TNPO2: variants seen among roughly 807,000 people sequenced by gnomAD.
TNPO2 encodes the protein transportin-2.
In TNPO2, 16 loss-of-function variants were observed where a neutral mutation model predicts 111.1. The observed-to-expected ratio is 0.14, with a 90% CI of 0.10 to 0.22. TNPO2 has a LOEUF of 0.22. Ranked by LOEUF, TNPO2 falls within the 10% of genes least tolerant of loss-of-function variation. The probability of loss-of-function intolerance (pLI) is 1.00; values close to 1 mark genes in which losing one functional copy is unlikely to be tolerated. For missense variants in TNPO2, 530 were observed against 1,173.7 expected (o/e 0.45, Z 8.01); for synonymous variants, 481 against 475.8 (o/e 1.01, Z -0.14).
intron 10 of TNPO2, among the ~76,000 whole-genome samples, chr19:12,711,930 G>GAGGCA (rs1555718902): frequency 6.6e-6 from 1 of 150,672 alleles, no homozygotes; most frequent in Non-Finnish European, 1.5e-5. Context: ...CCCAGGCACC[G>GAGGCA]AGGCAAGAGA....
chr19:12,715,330 G>A lies in TNPO2; in HGVS notation c.567-6C>T, dbSNP rs1047746985. On this transcript the variant is annotated splice_region_variant and splice_polypyrimidine_tract_variant and intron_variant, in intron 7 of 25. Coordinates refer to ENST00000425528, the MANE Select transcript of TNPO2 (RefSeq NM_001382241.1). The surrounding 1 kb of genome is among the most constrained non-coding windows in gnomAD (Gnocchi z 7.1). ...CGCAGGCGATGGCGTGGGACCTGGC[G>A]GGGAGCAGACACGTGGGTCACCCTG... The A allele has an allele frequency of 3.5e-5, 57 of 1,613,768 alleles. No homozygotes were observed. The highest frequency in any genetic ancestry group is 4.5e-5 in the Non-Finnish European group (53 of 1,179,832).
chr19:12,703,148 GACA>G, intron 20 of TNPO2: 3 of 585,786 alleles, frequency 5.1e-6, no homozygotes, highest in Non-Finnish European at 9.1e-6. Flanking sequence ...TCGCTAAGGT[GACA>G]ACACGCTGCC....
Position 12,706,884 on chromosome 19 carries a change from A to G in TNPO2, c.1271-89T>C. The stretch of plus-strand genomic sequence containing the variant: ...GAGAAGAGTCAGCCGCACACAACAT[A>G]TAGGGAAACTGAGGCTTAGAGTTTA... On this transcript the variant is annotated intron_variant, in intron 13 of 25. Transcript: ENST00000425528. This position sits in a 1 kb window ranked among gnomAD's most constrained non-coding sequence, Gnocchi z 7.0. 3.7e-6 allele frequency: 4 copies of G among 1,090,942 alleles called. No homozygotes were observed. Among genetic ancestry groups the G allele is most frequent in the Admixed American group, 2.1e-5 (1 of 47,942 alleles). 67.6% of individuals were successfully genotyped at this position (1,090,942 alleles called of 1,614,324 possible).
chr19:12,702,810 G>A lies in TNPO2; in HGVS notation c.2305+13C>T, dbSNP rs1478187738. On this transcript the variant is annotated intron_variant, in intron 21 of 25. Transcript: ENST00000425528. This position sits in a 1 kb window ranked among gnomAD's most constrained non-coding sequence, Gnocchi z 5.5. Reference sequence around the variant, plus strand: ...AGGCAGGGGTGCAGGCAGCAGCCGGGCCAGGTGCCCACCTGTGTTTTCCAG... The same window carrying A: ...AGGCAGGGGTGCAGGCAGCAGCCGGACCAGGTGCCCACCTGTGTTTTCCAG... 4 of 1,612,458 alleles carry A rather than the reference G, an allele frequency of 2.5e-6. No individual in the cohort carries two copies. Among genetic ancestry groups the A allele is most frequent in the Non-Finnish European group, 3.4e-6 (4 of 1,178,578 alleles).
At chr19:12,704,969 C>A (rs2025551683) in intron 18 of TNPO2, among the ~76,000 whole-genome samples, 1 of 151,966 alleles carries the variant, frequency 6.6e-6, no homozygotes, top group Non-Finnish European at 1.5e-5. Flanking sequence ...GGCGTGAGCA[C>A]CTGGCCTCAC....
chr19:12,702,972 A>AGGG lies in TNPO2; in HGVS notation c.2210-57_2210-55dup. The AGGG allele has an allele frequency of 1.3e-6, 2 of 1,529,160 alleles. No individual in the cohort carries two copies. Among genetic ancestry groups the AGGG allele is most frequent in the East Asian group, 2.3e-5 (1 of 44,332 alleles). The allele number at this position is 1,529,160 out of a possible 1,614,324, so 94.7% of individuals were successfully genotyped here. On this transcript the variant is annotated intron_variant, in intron 20 of 25. Transcript: ENST00000425528. This position sits in a 1 kb window ranked among gnomAD's most constrained non-coding sequence, Gnocchi z 5.5. The stretch of plus-strand genomic sequence containing the variant: ...ACAGCCCCCGCCACCCACAGGGGCC[A>AGGG]GGGGGCCGCCCCACCTCACTCACTA...
Position 12,702,089 on chromosome 19 carries a change from C to T in TNPO2, c.2394G>A (p.Gln798=), listed in dbSNP as rs759927883. ...VCPQEVAPML[Q]QFIRPWCTSL... ...ACACACACCAAGGCCGGATGAACTG[C>T]TGCAGCATGGGTGCCACCTCCTGGG... The change falls in exon 22 of 26, where the codon CAG becomes CAA. Residue 798 remains glutamine (Q), a synonymous_variant. Coordinates refer to ENST00000425528, the MANE Select transcript of TNPO2 (RefSeq NM_001382241.1). The surrounding 1 kb of genome is among the most constrained non-coding windows in gnomAD (Gnocchi z 5.5). 3 of 1,613,576 alleles carry T rather than the reference C, an allele frequency of 1.9e-6. No homozygotes were observed. In the South Asian group the frequency reaches 3.3e-5, roughly 18 times the overall value.
Position 12,714,821 on chromosome 19 carries a change from T to C in TNPO2, c.890A>G (p.Gln297Arg). 1 of 1,613,462 alleles carries C rather than the reference T, an allele frequency of 6.2e-7. No homozygotes were observed. Among genetic ancestry groups the C allele is most frequent in the Non-Finnish European group, 8.5e-7 (1 of 1,179,476 alleles). Reference sequence around the variant, plus strand: ...GACAGTGGGCAGCAGCAGCACTCACTGGACCAGATGGGAGGCCAGGACTTC... The same window carrying C: ...GACAGTGGGCAGCAGCAGCACTCACCGGACCAGATGGGAGGCCAGGACTTC... ...CKEVLASHLV[Q>R]LIPILVNGMK... Residue 297 changes from glutamine (Q) to arginine (R), a missense_variant and splice_region_variant, in exon 10 of 26, where the codon CAG becomes CGG. By Grantham distance (43) the Gln-to-Arg change is conservative. This residue lies in a region of TNPO2 where 156 missense variants were observed against 405.8 expected (regional missense o/e 0.38). Coordinates refer to ENST00000425528, the MANE Select transcript of TNPO2 (RefSeq NM_001382241.1).
chr19:12,715,340 C>T lies in TNPO2; in HGVS notation c.567-16G>A. 2 of 1,613,814 alleles carry T rather than the reference C, an allele frequency of 1.2e-6. No homozygotes were observed. The highest frequency in any genetic ancestry group is 1.7e-6 in the Non-Finnish European group (2 of 1,179,848). The stretch of plus-strand genomic sequence containing the variant: ...GGCGTGGGACCTGGCGGGGAGCAGA[C>T]ACGTGGGTCACCCTGACCCTGCCCA... On this transcript the variant is annotated splice_polypyrimidine_tract_variant and intron_variant, in intron 7 of 25. Coordinates refer to ENST00000425528, the MANE Select transcript of TNPO2 (RefSeq NM_001382241.1). This position sits in a 1 kb window ranked among gnomAD's most constrained non-coding sequence, Gnocchi z 7.1.
Position 12,701,321 on chromosome 19 carries a change from C to T in TNPO2, c.*20+5G>A. 1.3e-6 allele frequency: 2 copies of T among 1,591,316 alleles called. No individual in the cohort carries two copies. The highest frequency in any genetic ancestry group is 8.6e-7 in the Non-Finnish European group (1 of 1,160,238). ...GTGCTGACTTGCCAGCTGCAGTCTC[C>T]TTACCTGGCAGTCTCCATGATCACC... On this transcript the variant is annotated splice_donor_5th_base_variant and intron_variant, in intron 25 of 25. Coordinates refer to ENST00000425528, the MANE Select transcript of TNPO2 (RefSeq NM_001382241.1). This position sits in a 1 kb window ranked among gnomAD's most constrained non-coding sequence, Gnocchi z 5.0.
chr19:12,713,722 A>G (rs1027551920), intron 10 of TNPO2, among the ~76,000 whole-genome samples: 2 of 151,922 alleles, frequency 1.3e-5, no homozygotes, highest in Admixed American at 6.6e-5. Context: ...AGAAATTTCA[A>G]AATAATAATA....
chr19:12,721,029 G>A lies in TNPO2; in HGVS notation c.-13-39C>T, dbSNP rs369953133. Reference sequence around the variant, plus strand: ...GGCCGGGGTCAGCGCTGGGTCTCTGGGGCTCCGTGTGAGACCCAGGTGGAG... The same window carrying A: ...GGCCGGGGTCAGCGCTGGGTCTCTGAGGCTCCGTGTGAGACCCAGGTGGAG... On this transcript the variant is annotated intron_variant, in intron 2 of 25. Coordinates refer to ENST00000425528, the MANE Select transcript of TNPO2 (RefSeq NM_001382241.1). The surrounding 1 kb of genome is among the most constrained non-coding windows in gnomAD (Gnocchi z 4.9). 1.6e-3 allele frequency: 2,472 copies of A among 1,538,598 alleles called. 21 individuals carry two copies. Among genetic ancestry groups the A allele is most frequent in the African/African-American group, 0.015 (1,061 of 73,120 alleles).
rs777831958 is a variant in TNPO2, at chr19:12,721,045, C to A, written c.-13-55G>T. ...GGGTCTCTGGGGCTCCGTGTGAGAC[C>A]CAGGTGGAGCCCCTGAGGCCGCGGT... On this transcript the variant is annotated intron_variant, in intron 2 of 25. Transcript: ENST00000425528. The surrounding 1 kb of genome is among the most constrained non-coding windows in gnomAD (Gnocchi z 4.9). The A allele has an allele frequency of 5.6e-5, 86 of 1,534,596 alleles. No homozygotes were observed. The highest frequency in any genetic ancestry group is 7.1e-5 in the Non-Finnish European group (81 of 1,145,766).
chr19:12,716,424 G>A (rs551267674), intron 5 of TNPO2, among the ~76,000 whole-genome samples: 51 of 152,102 alleles, frequency 3.4e-4, no homozygotes, highest in Non-Finnish European at 5.4e-4. Context: ...TCAGGAGTTC[G>A]AAACCAGCCT....
chr19:12,711,680 TG>T, intron 10 of TNPO2, 67 bp from the exon 11 acceptor site: 4 of 1,437,650 alleles, frequency 2.8e-6, no homozygotes, highest in Non-Finnish European at 3.9e-6. Flanking sequence ...AGGCACAGCT[TG>T]GGGAGGAGGC....
At position 12,715,126 on chromosome 19, in the gene TNPO2, T is replaced by C; in HGVS notation, c.692A>G (p.Lys231Arg). The change falls in exon 9 of 26, where the codon AAG (lysine) becomes AGG (arginine). Residue 231 changes from lysine to arginine, a missense_variant. Physicochemically the swap from Lys to Arg is conservative, Grantham distance 26. Transcript: ENST00000425528. The surrounding 1 kb of genome is among the most constrained non-coding windows in gnomAD (Gnocchi z 7.1). ...CATCACCAGGGCACGGCACACATTC[T>C]TCCGCACCTCGGGGTCATCATCCAC... is the stretch of plus-strand genomic sequence containing the variant. The part of the protein sequence containing the change: ...LAVDDDPEVR[K>R]NVCRALVMLL... 2 of 1,598,592 alleles carry C rather than the reference T, an allele frequency of 1.3e-6. No homozygotes were observed. The highest frequency in any genetic ancestry group is 1.7e-6 in the Non-Finnish European group (2 of 1,171,020).
chr19:12,721,665 C>G lies in TNPO2; in HGVS notation c.-13-675G>C, dbSNP rs957946148. 1 of 237,870 alleles carries G rather than the reference C, an allele frequency of 4.2e-6. No homozygotes were observed. The highest frequency in any genetic ancestry group is 2.4e-5 in the African/African-American group (1 of 41,898). 14.7% of individuals were successfully genotyped at this position (237,870 alleles called of 1,614,324 possible). ...CCCCTTAATCAGGCCCAAAGCAGTC[C>G]CCAGGTAGGTCTCTGCTGCCTCTTC... On this transcript the variant is annotated intron_variant, in intron 2 of 25. Transcript: ENST00000425528. The surrounding 1 kb of genome is among the most constrained non-coding windows in gnomAD (Gnocchi z 4.9).
rs771990712 is a variant in TNPO2 at position 12,715,059 on chromosome 19, G to A, written c.759C>T (p.His253=). 1.9e-6 allele frequency: 3 copies of A among 1,572,228 alleles called. No individual in the cohort carries two copies. The highest frequency in any genetic ancestry group is 2.6e-6 in the Non-Finnish European group (3 of 1,157,458). ...TGACCATGCACACCTGGATGATGCT[G>A]TGCATGTGGGGGATGAGCCTGTCAA... ...VRIDRLIPHM[H]SIIQYMLQRT... The change falls in exon 9 of 26, where the codon CAC becomes CAT. Residue 253 remains histidine, a synonymous_variant. Coordinates refer to ENST00000425528, the MANE Select transcript of TNPO2 (RefSeq NM_001382241.1). The surrounding 1 kb of genome is among the most constrained non-coding windows in gnomAD (Gnocchi z 7.1).
chr19:12,710,825 G>GCCGA, intron 12 of TNPO2, 52 bp from the exon 13 acceptor site: 2 of 1,537,166 alleles, frequency 1.3e-6, no homozygotes, highest in Non-Finnish European at 1.8e-6. Flanking sequence ...CAGGCAGGTG[G>GCCGA]CCGACCCTCC....
Sources: allele counts gnomAD v4.1 joint callset (sites outside exome capture counted in the v4.1 genomes callset), GRCh38; gene constraint gnomAD v4.1.1; regional missense constraint gnomAD v4.1.1; non-coding constraint Gnocchi (gnomAD v3.1); transcripts MANE v1.5; gene names NCBI Gene and HGNC (gene_info 2026-07-23, HGNC 2026-07-21).